GTF2E1: variants seen among roughly 807,000 people sequenced by gnomAD.
GTF2E1 encodes the protein general transcription factor IIE subunit 1.
Under a neutral mutation model 34.9 loss-of-function variants are expected in GTF2E1, and 14 were observed. That is an observed-to-expected ratio of 0.40 (90% CI 0.27 to 0.63). GTF2E1 has a LOEUF of 0.63. Among genes scored for constraint, GTF2E1 ranks in the 20% least tolerant of loss-of-function variants. The pLI is 0.39. For synonymous variants in GTF2E1, 188 were observed against 192.9 expected (o/e 0.97, Z 0.21); for missense variants, 469 against 557.7 (o/e 0.84, Z 1.60).
At chr3:120,743,896 C>G (rs1709080757) in intron 1 of GTF2E1, among the ~76,000 whole-genome samples, 1 of 152,078 alleles carries the variant, frequency 6.6e-6, no homozygotes, top group Non-Finnish European at 1.5e-5. Flanking sequence ...GCACAGTAGT[C>G]CTTAAATGTT....
intron 2 of GTF2E1, among the ~76,000 whole-genome samples, chr3:120,754,950 C>T (rs933411417): frequency 5.3e-5 from 8 of 151,894 alleles, no homozygotes; most frequent in African/African-American, 1.9e-4. Context: ...AATGTAATAA[C>T]GAATAAATCT....
chr3:120,780,448 A>G (rs775416526), intron 4 of GTF2E1, among the ~76,000 whole-genome samples: 1 of 152,208 alleles, frequency 6.6e-6, no homozygotes, highest in Non-Finnish European at 1.5e-5. Context: ...GGTAATGCAA[A>G]GGCCCTGAGG....
chr3:120,763,283 A>C (rs1018762183), intron 2 of GTF2E1, among the ~76,000 whole-genome samples: 4 of 152,120 alleles, frequency 2.6e-5, no homozygotes, highest in Non-Finnish European at 5.9e-5. Context: ...TTCTTCCCCC[A>C]TATTGTACCT....
intron 4 of GTF2E1, among the ~76,000 whole-genome samples, chr3:120,777,765 G>A (rs1212749950): frequency 6.6e-6 from 1 of 152,168 alleles, no homozygotes; most frequent in Admixed American, 6.5e-5. Flanking sequence ...TCGCTCTGTT[G>A]CCTAGGTTGG....
At chr3:120,767,108 A>G (rs1024059118) in intron 2 of GTF2E1, among the ~76,000 whole-genome samples, 4 of 152,148 alleles carry the variant, frequency 2.6e-5, no homozygotes, top group Admixed American at 1.3e-4. Flanking sequence ...TGATAAACAC[A>G]GGGCTCAGAG....
In GTF2E1 at chr3:120,758,250, C is replaced by T. The variant is rs150210417; in HGVS notation, c.448+7250C>T. 9.9e-5 allele frequency among the ~76,000 whole-genome samples: 15 copies of T among 152,210 alleles called. No individual in the cohort carries two copies. The East Asian group carries it at 2.5e-3, about 25-fold the overall frequency. On this transcript the variant is annotated intron_variant, in intron 2 of 4. Transcript: ENST00000283875. The stretch of plus-strand genomic sequence containing the variant: ...CTAAAATGGCAAACTAGTTTTTCCT[C>T]TCTGTGGCTTTTCCGCTCACTGCAC...
chr3:120,777,844 G>T (rs1709414610), intron 4 of GTF2E1, among the ~76,000 whole-genome samples: 1 of 152,180 alleles, frequency 6.6e-6, no homozygotes, highest in Admixed American at 6.5e-5. Context: ...TCTTGCCTCA[G>T]CCTCCTGAGT....
rs1186048925 is a variant in GTF2E1 at position 120,780,902 on chromosome 3, TG to T, written c.893-139del. On this transcript the variant is annotated intron_variant, in intron 4 of 4. Transcript: ENST00000283875. ...TGTAAGAAATATTTTGAATATTTTATGGATAGCAGCTCAAAAATGGAACCAG... is the reference window on the plus strand; with the variant it reads ...TGTAAGAAATATTTTGAATATTTTATGATAGCAGCTCAAAAATGGAACCAG... 7 of 601,672 alleles carry T rather than the reference TG, an allele frequency of 1.2e-5. No homozygotes were observed. The Admixed American group carries it at 1.5e-4, about 13-fold the overall frequency. The allele number at this position is 601,672 out of a possible 1,614,324, so 37.3% of individuals were successfully genotyped here. A position where few individuals can be genotyped will look rare whatever the true frequency, so the allele number is the denominator to read the frequency against.
chr3:120,745,410 C>T (rs1357780742), intron 1 of GTF2E1, among the ~76,000 whole-genome samples: 1 of 152,132 alleles, frequency 6.6e-6, no homozygotes, highest in Non-Finnish European at 1.5e-5. Context: ...GCACAGGGAC[C>T]TCTCCATGCA....
At chr3:120,770,960 A>C (rs771684250) in intron 3 of GTF2E1, 31 bp downstream of exon 3, 1 of 1,545,458 alleles carries the variant, frequency 6.5e-7, no homozygotes, top group South Asian at 1.1e-5. Flanking sequence ...CTTACTAAGA[A>C]CACATTTCAA....
intron 3 of GTF2E1, among the ~76,000 whole-genome samples, chr3:120,773,648 A>G (rs1709374765): frequency 6.6e-6 from 1 of 152,132 alleles, no homozygotes; most frequent in Non-Finnish European, 1.5e-5. Context: ...ACTTACCTTA[A>G]AGATTTTTAA....
At chr3:120,768,098 A>G (rs1044298658) in intron 2 of GTF2E1, among the ~76,000 whole-genome samples, 11 of 152,320 alleles carry the variant, frequency 7.2e-5, no homozygotes, top group African/African-American at 2.4e-4. Context: ...AAATTCGGGT[A>G]TAACATGACT....
At chr3:120,764,783 T>G (rs1576360206) in intron 2 of GTF2E1, among the ~76,000 whole-genome samples, 3 of 152,286 alleles carry the variant, frequency 2.0e-5, no homozygotes, top group African/African-American at 7.2e-5. Flanking sequence ...GGGTTTTCTT[T>G]TTTTTGCTTT....
At chr3:120,750,042 A>T (rs887143171) in intron 1 of GTF2E1, 2 of 154,058 alleles carry the variant, frequency 1.3e-5, no homozygotes, top group Non-Finnish European at 2.9e-5. Flanking sequence ...GTGATTACTC[A>T]TGTGTTTATT....
chr3:120,743,176 A>G (rs1449008584), intron 1 of GTF2E1, among the ~76,000 whole-genome samples: 1 of 152,220 alleles, frequency 6.6e-6, no homozygotes, highest in Non-Finnish European at 1.5e-5. Flanking sequence ...TGGTAACACA[A>G]CACCGCAGTT....
intron 2 of GTF2E1, among the ~76,000 whole-genome samples, chr3:120,753,524 G>A (rs552609792): frequency 1.3e-5 from 2 of 152,190 alleles, no homozygotes; most frequent in Admixed American, 6.5e-5. Context: ...AAGCAATTAG[G>A]GGATATTCAG....
At chr3:120,770,979 T>TA in intron 3 of GTF2E1, 50 bp downstream of exon 3, 1 of 1,435,422 alleles carries the variant, frequency 7.0e-7, no homozygotes, top group Non-Finnish European at 9.8e-7. Flanking sequence ...AACCTGTTCT[T>TA]GTTTTAACTA....
chr3:120,742,898 A>C, intron 1 of GTF2E1, 104 bp downstream of exon 1: 1 of 264,708 alleles, frequency 3.8e-6, no homozygotes, highest in Non-Finnish European at 7.5e-6. Context: ...CCCCTAATGA[A>C]TTACCCTGTT....
At chr3:120,778,306 T>C (rs549837651) in intron 4 of GTF2E1, among the ~76,000 whole-genome samples, 7 of 152,354 alleles carry the variant, frequency 4.6e-5, no homozygotes, top group Admixed American at 2.0e-4. Context: ...TTTGTAAATA[T>C]TTATTTCTGC....
Sources: allele counts gnomAD v4.1 joint callset (sites outside exome capture counted in the v4.1 genomes callset), GRCh38; gene constraint gnomAD v4.1.1; transcripts MANE v1.5; gene names NCBI Gene and HGNC (gene_info 2026-07-23, HGNC 2026-07-21).